CACNA1E: variants seen among roughly 807,000 people sequenced by gnomAD.
CACNA1E encodes voltage-dependent R-type calcium channel subunit alpha-1E.
A neutral mutation model predicts 259.2 loss-of-function variants in CACNA1E; 40 were observed. The observed-to-expected ratio is 0.15, with a 90% CI of 0.12 to 0.20. The LOEUF is 0.20. CACNA1E is among the 10% of genes least tolerant of loss of function. The probability of loss-of-function intolerance (pLI) is 1.00; values close to 1 mark genes in which losing one functional copy is unlikely to be tolerated. For synonymous variants in CACNA1E, 1,104 were observed against 1,138.5 expected (o/e 0.97, Z 0.61); for missense variants, 1,874 against 3,040.1 (o/e 0.62, Z 9.02).
intron 13 of CACNA1E, 80 bp from the exon 14 acceptor site, chr1:181,720,126 A>G (rs1186691254): frequency 4.2e-5 from 63 of 1,507,806 alleles, no homozygotes; most frequent in Non-Finnish European, 5.8e-5. Context: ...TTCATAGACT[A>G]CCAGGCATAT....
intron 16 of CACNA1E, 109 bp downstream of exon 16, chr1:181,721,984 T>A (rs952878646): frequency 1.4e-6 from 1 of 734,212 alleles, no homozygotes; most frequent in African/African-American, 1.7e-5. Context: ...GACAGGGGCG[T>A]GGACATTGTT....
chr1:181,473,275 G>T (rs1662636304), intron 2 of CACNA1E, among the ~76,000 whole-genome samples: 1 of 152,176 alleles, frequency 6.6e-6, no homozygotes, highest in Admixed American at 6.5e-5. Context: ...GGAGCTCAGG[G>T]TTGGGACATT....
chr1:181,488,118 C>T (rs1226978316), intron 1 of CACNA1E, among the ~76,000 whole-genome samples: 4 of 152,088 alleles, frequency 2.6e-5, no homozygotes, highest in South Asian at 2.1e-4. Flanking sequence ...GTAAAATGTC[C>T]GTTTATTTTG....
rs1662347632 is a variant in CACNA1E, at chr1:181,802,489, A to C, written c.*3655A>C. The C allele has an allele frequency of 6.6e-6, 1 of 152,192 alleles. No homozygotes were observed. Among genetic ancestry groups the C allele is most frequent in the Admixed American group, 6.5e-5 (1 of 15,274 alleles). 9.4% of individuals were successfully genotyped at this position (152,192 alleles called of 1,614,324 possible). On this transcript the variant is annotated 3_prime_UTR_variant, in exon 48 of 48. Coordinates refer to ENST00000367573, the MANE Select transcript of CACNA1E (RefSeq NM_001205293.3). The stretch of plus-strand genomic sequence containing the variant: ...AGGGTCGTCTTCCCTCTGTTCTCCC[A>C]TCCCAGCCTCTGTTTTGCTGCATGT...
chr1:181,720,968 AG>A (rs1199658699), intron 15 of CACNA1E, 113 bp downstream of exon 15: 7 of 695,580 alleles, frequency 1.0e-5, no homozygotes, highest in Non-Finnish European at 1.8e-5. Context: ...GGCTCCTCCC[AG>A]GGGATTGAGG....
chr1:181,618,951 G>C (rs1016031230), intron 6 of CACNA1E, among the ~76,000 whole-genome samples: 3 of 152,158 alleles, frequency 2.0e-5, no homozygotes, highest in Non-Finnish European at 2.9e-5. Context: ...ATAGATACAT[G>C]ATAACAAGTA....
chr1:181,718,588 TTATC>T (rs1051530238), intron 12 of CACNA1E, among the ~76,000 whole-genome samples: 6 of 132,462 alleles, frequency 4.5e-5, no homozygotes, highest in African/African-American at 1.7e-4. Context: ...ATTGGGATAA[TTATC>T]TAGATAGACC....
chr1:181,576,508 TGA>T (rs961504224), intron 3 of CACNA1E, among the ~76,000 whole-genome samples: 18 of 152,260 alleles, frequency 1.2e-4, no homozygotes, highest in African/African-American at 4.3e-4. Context: ...GTTCTTTTTC[TGA>T]GATTGAAGAC....
intron 6 of CACNA1E, among the ~76,000 whole-genome samples, chr1:181,650,057 A>C (rs533668206): frequency 6.6e-6 from 1 of 152,260 alleles, no homozygotes; most frequent in East Asian, 1.9e-4. Context: ...GATAGCTTCC[A>C]TGACTGATAA....
At chr1:181,579,384 C>A (rs887850836) in intron 5 of CACNA1E, among the ~76,000 whole-genome samples, 160 bp downstream of exon 5, 2 of 152,162 alleles carry the variant, frequency 1.3e-5, no homozygotes, top group Non-Finnish European at 2.9e-5. Context: ...GCACAGTCAA[C>A]CAAGACTAGA....
rs146912778 is a variant in CACNA1E at position 181,418,573 on chromosome 1, T to C, written c.434+4993T>C. The stretch of plus-strand genomic sequence containing the variant: ...CCACCCACTTATTCACCATCTTTAC[T>C]TGTACATCCATCGACATCTCAAGCT... On this transcript the variant is annotated intron_variant, in intron 2 of 11. Transcript: ENST00000524607. Among the ~76,000 whole-genome samples, 639 of 152,332 alleles carry C rather than the reference T, an allele frequency of 4.2e-3. 5 individuals carry two copies. Among genetic ancestry groups the C allele is most frequent in the African/African-American group, 0.014 (562 of 41,574 alleles).
At chr1:181,720,460 T>G (rs1654318837) in intron 14 of CACNA1E, 123 bp downstream of exon 14, 1 of 1,034,308 alleles carries the variant, frequency 9.7e-7, no homozygotes. Flanking sequence ...ATGGCCTGAA[T>G]TAACCACTGA....
chr1:181,746,281 C>T (rs1352135425), intron 25 of CACNA1E, among the ~76,000 whole-genome samples: 1 of 152,146 alleles, frequency 6.6e-6, no homozygotes, highest in East Asian at 1.9e-4. Flanking sequence ...GGGAAACTTC[C>T]CCATGGGGTC....
At chr1:181,549,422 A>T (rs1191860917) in intron 3 of CACNA1E, among the ~76,000 whole-genome samples, 11 of 152,236 alleles carry the variant, frequency 7.2e-5, no homozygotes, top group African/African-American at 2.7e-4. Flanking sequence ...GTTTCTGAAT[A>T]GTTTCCCTTT....
intron 45 of CACNA1E, 105 bp from the exon 46 acceptor site, chr1:181,794,759 T>A: frequency 1.0e-6 from 1 of 953,370 alleles, no homozygotes; most frequent in Non-Finnish European, 1.6e-6. Context: ...TTCCAGGGGT[T>A]ACAATTTGCC....
At chr1:181,693,841 C>A (rs979773120) in intron 7 of CACNA1E, among the ~76,000 whole-genome samples, 19 of 152,084 alleles carry the variant, frequency 1.2e-4, no homozygotes, top group Non-Finnish European at 2.8e-4. Context: ...AATTTAAAAT[C>A]TAAATAAACA....
intron 25 of CACNA1E, among the ~76,000 whole-genome samples, chr1:181,742,616 C>T (rs1656682658): frequency 6.6e-6 from 1 of 152,156 alleles, no homozygotes; most frequent in Admixed American, 6.5e-5. Context: ...GCATTCCTTC[C>T]ACCACCCAGC....
intron 6 of CACNA1E, among the ~76,000 whole-genome samples, chr1:181,593,705 A>G (rs1399545687): frequency 6.6e-6 from 1 of 151,948 alleles, no homozygotes; most frequent in Non-Finnish European, 1.5e-5. Flanking sequence ...CACCCAGCTA[A>G]TTTTTGTATT....
At chr1:181,471,976 C>T (rs1287964998) in intron 2 of CACNA1E, among the ~76,000 whole-genome samples, 2 of 152,014 alleles carry the variant, frequency 1.3e-5, no homozygotes, top group Non-Finnish European at 2.9e-5. Context: ...GCATTATTTA[C>T]AATAACTAGG....
Sources: gnomAD v4.1 joint callset for allele counts (sites outside exome capture counted in the v4.1 genomes callset) on GRCh38, gnomAD v4.1.1 for gene constraint, MANE v1.5 for transcripts, NCBI Gene and HGNC (gene_info 2026-07-23, HGNC 2026-07-21) for gene names.